Variants in ARHGEF26 observed in about 807,000 individuals in gnomAD.
ARHGEF26 encodes Rho guanine nucleotide exchange factor 26.
A neutral mutation model predicts 89.4 loss-of-function variants in ARHGEF26; 59 were observed. The observed-to-expected ratio is 0.66, with a 90% CI of 0.54 to 0.82. The LOEUF (loss-of-function observed/expected upper bound fraction) is 0.82, where lower values mean the gene tolerates loss of function less well. ARHGEF26 is among the 40% of genes least tolerant of loss of function. The pLI, the probability that ARHGEF26 is intolerant of heterozygous loss-of-function variation, is 0.00. For missense variants in ARHGEF26, 1,234 were observed against 1,085.6 expected (o/e 1.14, Z -1.92); for synonymous variants, 500 against 428.4 (o/e 1.17, Z -2.06).
chr3:154,165,193 A>G (rs1223537567), intron 6 of ARHGEF26, among the ~76,000 whole-genome samples: 1 of 151,884 alleles, frequency 6.6e-6, no homozygotes, highest in African/African-American at 2.4e-5. Flanking sequence ...CCTGTTTTGA[A>G]CCTTGACTTA....
chr3:154,256,548 T>TAAAA lies in ARHGEF26; in HGVS notation c.*1099_*1102dup, dbSNP rs1474721087. On this transcript the variant is annotated 3_prime_UTR_variant, in exon 15 of 15. Coordinates refer to ENST00000465093, the MANE Select transcript of ARHGEF26 (RefSeq NM_015595.4). ...GTGCCCAGCCTACTTTCTAATTAAT[T>TAAAA]AAAAAAAAAAAAAAAAAAAAAAAAA... The TAAAA allele has an allele frequency of 1.9e-3, 1,264 of 649,268 alleles. 19 individuals are homozygous for TAAAA. Among genetic ancestry groups the TAAAA allele is most frequent in the African/African-American group, 2.9e-3 (65 of 22,378 alleles). 40.2% of individuals were successfully genotyped at this position (649,268 alleles called of 1,614,324 possible).
At chr3:154,245,417 A>C (rs1717745513) in intron 12 of ARHGEF26, among the ~76,000 whole-genome samples, 1 of 152,258 alleles carries the variant, frequency 6.6e-6, no homozygotes, top group Admixed American at 6.5e-5. Flanking sequence ...ATTTTATGAT[A>C]AAATGCTAAA....
At chr3:154,178,341 T>C (rs2108155623) in intron 6 of ARHGEF26, among the ~76,000 whole-genome samples, 1 of 152,316 alleles carries the variant, frequency 6.6e-6, no homozygotes, top group South Asian at 2.1e-4. Context: ...CACCAGAGTT[T>C]TACGATTTCA....
At chr3:154,246,282 C>T (rs1468094019) in intron 12 of ARHGEF26, among the ~76,000 whole-genome samples, 7 of 152,054 alleles carry the variant, frequency 4.6e-5, no homozygotes, top group Admixed American at 1.3e-4. Flanking sequence ...TCTAAGGAAA[C>T]GAATTTAGTG....
intron 9 of ARHGEF26, among the ~76,000 whole-genome samples, chr3:154,212,504 G>C (rs564051462): frequency 1.3e-5 from 2 of 150,322 alleles, no homozygotes; most frequent in African/African-American, 2.5e-5. Context: ...TCCAATATTA[G>C]CATATGACTG....
At chr3:154,234,908 G>A (rs985108421) in intron 11 of ARHGEF26, among the ~76,000 whole-genome samples, 1 of 152,164 alleles carries the variant, frequency 6.6e-6, no homozygotes. Context: ...TGGGACTACA[G>A]GCGCTCACCA....
At chr3:154,124,110 G>GT (rs1286136259) in intron 2 of ARHGEF26, among the ~76,000 whole-genome samples, 3 of 152,176 alleles carry the variant, frequency 2.0e-5, no homozygotes, top group African/African-American at 7.2e-5. Flanking sequence ...CAATTTAACA[G>GT]TGATGGTGAA....
At chr3:154,202,466 G>C (rs1391076729) in intron 9 of ARHGEF26, among the ~76,000 whole-genome samples, 1 of 152,128 alleles carries the variant, frequency 6.6e-6, no homozygotes, top group Non-Finnish European at 1.5e-5. Flanking sequence ...TTTGGCTTAG[G>C]ATTGACTTGG....
intron 11 of ARHGEF26, among the ~76,000 whole-genome samples, chr3:154,234,602 A>T (rs1716999288): frequency 6.6e-6 from 1 of 152,056 alleles, no homozygotes; most frequent in African/African-American, 2.4e-5. Context: ...TAACCCATTA[A>T]TTTTTTTAGA....
chr3:154,205,996 G>T (rs1215646931), intron 9 of ARHGEF26, among the ~76,000 whole-genome samples: 1 of 151,984 alleles, frequency 6.6e-6, no homozygotes. Context: ...GTACCTTCAG[G>T]TGATTACTTA....
chr3:154,176,428 T>C (rs921835642), intron 6 of ARHGEF26, among the ~76,000 whole-genome samples: 4 of 152,174 alleles, frequency 2.6e-5, no homozygotes, highest in Middle Eastern at 3.4e-3. Context: ...CACTAGAAAA[T>C]GACAAACTCC....
At chr3:154,153,035 C>G in intron 6 of ARHGEF26, 103 bp downstream of exon 6, 1 of 1,104,400 alleles carries the variant, frequency 9.1e-7, no homozygotes, top group Non-Finnish European at 1.2e-6. Context: ...AAGTCTCATT[C>G]AGTTGGCTTT....
intron 6 of ARHGEF26, among the ~76,000 whole-genome samples, chr3:154,177,557 T>TA (rs1253710937): frequency 6.6e-6 from 1 of 152,094 alleles, no homozygotes; most frequent in East Asian, 1.9e-4. Context: ...ACCCTACAAA[T>TA]ACAAAGATGC....
chr3:154,167,066 C>A (rs923414209), intron 6 of ARHGEF26, among the ~76,000 whole-genome samples: 3 of 152,090 alleles, frequency 2.0e-5, no homozygotes, highest in African/African-American at 7.2e-5. Context: ...CCCAAATAAG[C>A]CCAAGTTTTC....
intron 9 of ARHGEF26, among the ~76,000 whole-genome samples, chr3:154,211,906 A>G (rs111293345): frequency 3.3e-5 from 5 of 152,182 alleles, no homozygotes; most frequent in African/African-American, 4.8e-5. Flanking sequence ...ATATGTAGAA[A>G]TAGTCCCAGA....
At chr3:154,167,508 T>A (rs1439417443) in intron 6 of ARHGEF26, among the ~76,000 whole-genome samples, 1 of 152,224 alleles carries the variant, frequency 6.6e-6, no homozygotes, top group Non-Finnish European at 1.5e-5. Flanking sequence ...GTCTAGTCTC[T>A]AGATATAGAA....
chr3:154,161,312 C>CAAATATAAAAAGCCTT (rs71152789), intron 6 of ARHGEF26, among the ~76,000 whole-genome samples: 138,140 of 152,076 alleles, frequency 0.91, 62,965 homozygotes, highest in East Asian at 1. Flanking sequence ...TAAAAAGCCT[C>CAAATATAAAAAGCCTT]AAGAAATATC....
At chr3:154,154,847 T>G (rs1325819015) in intron 6 of ARHGEF26, among the ~76,000 whole-genome samples, 1 of 152,034 alleles carries the variant, frequency 6.6e-6, no homozygotes, top group African/African-American at 2.4e-5. Context: ...AGCATTAGGA[T>G]TATTTTCAGT....
intron 10 of ARHGEF26, among the ~76,000 whole-genome samples, chr3:154,222,337 G>T (rs894613844): frequency 1.3e-5 from 2 of 152,152 alleles, no homozygotes; most frequent in African/African-American, 4.8e-5. Context: ...GCAGTAATAT[G>T]AGAGGAGATG....
Sources: allele counts gnomAD v4.1 joint callset (sites outside exome capture counted in the v4.1 genomes callset), GRCh38; gene constraint gnomAD v4.1.1; transcripts MANE v1.5; gene names NCBI Gene and HGNC (gene_info 2026-07-23, HGNC 2026-07-21).